Variants in DNAH5 observed in about 807,000 individuals in gnomAD.
DNAH5 encodes the protein dynein axonemal heavy chain 5, also known as axonemal beta dynein heavy chain 5.
In DNAH5, 372 loss-of-function variants were observed where a neutral mutation model predicts 518.2. That is an observed-to-expected ratio of 0.72 (90% CI 0.66 to 0.78). The LOEUF (loss-of-function observed/expected upper bound fraction) is 0.78, where lower values mean the gene tolerates loss of function less well. Ranked by LOEUF, DNAH5 falls within the 30% of genes least tolerant of loss-of-function variation. The probability of loss-of-function intolerance (pLI) is 0.00; values close to 1 mark genes in which losing one functional copy is unlikely to be tolerated. For missense variants in DNAH5, 5,523 were observed against 5,687.0 expected (o/e 0.97, Z 0.93); for synonymous variants, 2,039 against 2,025.9 (o/e 1.01, Z -0.17).
At chr5:13,847,334 T>C (rs1251123198) in intron 31 of DNAH5, among the ~76,000 whole-genome samples, 2 of 135,814 alleles carry the variant, frequency 1.5e-5, no homozygotes, top group East Asian at 4.4e-4. Flanking sequence ...TGTGAACAAT[T>C]TTAGAGTAGA....
Position 13,923,436 on chromosome 5 carries a change from T to G in DNAH5, c.282A>C (p.Gln94His). ...YQDVEEAETG[Q>H]LGSLGGVNLV... ...GATTTACCCCTCCTAGAGAGCCAAG[T>G]TGTCCTACAAAAGCAAAATAATTTT... The change falls in exon 4 of 79, where the codon CAA becomes CAC. Residue 94 changes from glutamine (Q) to histidine (H), a missense_variant. This residue lies in a region of DNAH5 where 5,121 missense variants were observed against 5,223.3 expected (regional missense o/e 0.98). Coordinates refer to ENST00000265104, the MANE Select transcript of DNAH5 (RefSeq NM_001369.3). 6.2e-7 allele frequency: 1 copy of G among 1,614,070 alleles called. No individual in the cohort carries two copies.
At chr5:13,758,805 G>A (rs373523930) in intron 61 of DNAH5, 41 bp downstream of exon 61, 27 of 1,613,636 alleles carry the variant, frequency 1.7e-5, no homozygotes, top group Non-Finnish European at 8.5e-6. Flanking sequence ...GAGAAGCCGT[G>A]TAGATATGTG....
chr5:13,970,683 G>T (rs972315869), intron 1 of DNAH5, among the ~76,000 whole-genome samples: 23 of 152,148 alleles, frequency 1.5e-4, no homozygotes, highest in Non-Finnish European at 1.5e-4. Context: ...TTCCTTTATA[G>T]GTTACCTGAT....
In DNAH5 at chr5:13,944,476, G is replaced by A. The variant is rs758511905; in HGVS notation, c.-38C>T. On this transcript the variant is annotated 5_prime_UTR_variant, in exon 1 of 79. Transcript: ENST00000265104. ...TGGACAGGCTGGAGTCAGCTCTTCC[G>A]GAATGGTCTTCTAACTCCTGGCAGA... 1.4e-5 allele frequency: 22 copies of A among 1,596,952 alleles called. No homozygotes were observed. The highest frequency in any genetic ancestry group is 2.2e-5 in the East Asian group (1 of 44,746).
intron 12 of DNAH5, among the ~76,000 whole-genome samples, chr5:13,906,232 G>A (rs1429260660): frequency 2.6e-5 from 4 of 152,098 alleles, no homozygotes; most frequent in Non-Finnish European, 5.9e-5. Context: ...CACCAAGAGT[G>A]AGCCCTAATG....
chr5:13,977,070 G>A (rs755666439), intron 1 of DNAH5, among the ~76,000 whole-genome samples: 5 of 152,142 alleles, frequency 3.3e-5, no homozygotes, highest in Non-Finnish European at 7.4e-5. Flanking sequence ...AAGCTATTCT[G>A]TTGCTAAGGA....
At chr5:13,968,037 G>A (rs1378289503) in intron 1 of DNAH5, among the ~76,000 whole-genome samples, 1 of 151,986 alleles carries the variant, frequency 6.6e-6, no homozygotes, top group Non-Finnish European at 1.5e-5. Flanking sequence ...TCACCTCCTT[G>A]GTTAGGTTTA....
At chr5:13,973,721 T>TA (rs55645869) in intron 1 of DNAH5, among the ~76,000 whole-genome samples, 2 of 145,240 alleles carry the variant, frequency 1.4e-5, no homozygotes, top group Non-Finnish European at 1.5e-5. Flanking sequence ...TCACTTATGT[T>TA]AAAAAAAAAA....
chr5:13,991,680 G>A (rs1050397365), intron 1 of DNAH5, among the ~76,000 whole-genome samples: 2 of 152,014 alleles, frequency 1.3e-5, no homozygotes, highest in Non-Finnish European at 2.9e-5. Context: ...AAACGAGGGA[G>A]GCGTGAAGAC....
intron 76 of DNAH5, among the ~76,000 whole-genome samples, chr5:13,704,644 A>G (rs907229820): frequency 1.2e-4 from 18 of 152,292 alleles, no homozygotes; most frequent in African/African-American, 3.9e-4. Context: ...CTCCACTTCT[A>G]GTTCACTTGT....
chr5:13,779,246 T>C (rs1226193401), intron 53 of DNAH5, among the ~76,000 whole-genome samples: 1 of 152,220 alleles, frequency 6.6e-6, no homozygotes, highest in Non-Finnish European at 1.5e-5. Context: ...AACCAAAAAC[T>C]AGAAGAATCA....
chr5:13,989,183 T>A (rs1346126843), intron 1 of DNAH5, among the ~76,000 whole-genome samples: 2 of 152,260 alleles, frequency 1.3e-5, no homozygotes, highest in East Asian at 3.9e-4. Context: ...AGGGATATTG[T>A]GATAACAACA....
At chr5:13,979,893 T>C (rs1208579471) in intron 1 of DNAH5, among the ~76,000 whole-genome samples, 2 of 147,316 alleles carry the variant, frequency 1.4e-5, no homozygotes, top group Non-Finnish European at 3.0e-5. Context: ...CAGGCTGGAG[T>C]GCAGTGGAGC....
chr5:13,719,250 A>G, intron 71 of DNAH5, 149 bp from the exon 72 acceptor site: 1 of 739,780 alleles, frequency 1.4e-6, no homozygotes, highest in South Asian at 1.6e-5. Flanking sequence ...GAAAACAAAA[A>G]TGTTTAATTG....
chr5:13,693,245 C>G (rs1214475657), intron 78 of DNAH5, among the ~76,000 whole-genome samples: 1 of 152,200 alleles, frequency 6.6e-6, no homozygotes, highest in African/African-American at 2.4e-5. Flanking sequence ...AGAGGATGCT[C>G]TGCTTTTGTG....
At chr5:13,949,625 A>G (rs567890543), upstream of DNAH5, among the ~76,000 whole-genome samples, 1 of 152,360 alleles carries the variant, frequency 6.6e-6, no homozygotes, top group African/African-American at 2.4e-5. Flanking sequence ...ATTTAGAGTA[A>G]ACACTAAGAG....
chr5:13,699,553 A>C (rs924571791), intron 78 of DNAH5, among the ~76,000 whole-genome samples: 1 of 152,168 alleles, frequency 6.6e-6, no homozygotes, highest in Non-Finnish European at 1.5e-5. Flanking sequence ...GTCTCTAGTA[A>C]AAATACAAAA....
rs149691390 is a variant in DNAH5 at position 13,866,253 on chromosome 5, G to A, written c.4083C>T (p.Pro1361=). ...LNGPMASGLK[P]QEASDRLIMF... Reference sequence around the variant, plus strand: ...TGATAAGCCTGTCACTGGCTTCCTGGGGCTTCAAGCCGCTAGCCATTGGAC... The same window carrying A: ...TGATAAGCCTGTCACTGGCTTCCTGAGGCTTCAAGCCGCTAGCCATTGGAC... Residue 1361 remains proline, a synonymous_variant, in exon 26 of 79, where the codon CCC becomes CCT. Coordinates refer to ENST00000265104, the MANE Select transcript of DNAH5 (RefSeq NM_001369.3). 1.9e-5 allele frequency: 30 copies of A among 1,613,202 alleles called. No individual in the cohort carries two copies. Among genetic ancestry groups the A allele is most frequent in the Middle Eastern group, 1.6e-4 (1 of 6,076 alleles).
chr5:13,706,351 C>T (rs1255734467), intron 76 of DNAH5, among the ~76,000 whole-genome samples: 2 of 152,166 alleles, frequency 1.3e-5, no homozygotes, highest in African/African-American at 4.8e-5. Context: ...GGGAGCAGGA[C>T]ATTGGGAGTG....
Sources: gnomAD v4.1 joint callset for allele counts (sites outside exome capture counted in the v4.1 genomes callset) on GRCh38, gnomAD v4.1.1 for gene constraint, gnomAD v4.1.1 regional missense constraint, MANE v1.5 for transcripts, NCBI Gene and HGNC (gene_info 2026-07-23, HGNC 2026-07-21) for gene names.